Variants in SUGCT observed in about 807,000 individuals in gnomAD.
SUGCT encodes the protein succinyl-CoA:glutarate CoA-transferase.
Under a neutral mutation model 55.0 loss-of-function variants are expected in SUGCT, and 41 were observed. That is an observed-to-expected ratio of 0.74 (90% CI 0.58 to 0.97). SUGCT has a LOEUF of 0.97. Among genes scored for constraint, SUGCT ranks in the 50% least tolerant of loss-of-function variants. The pLI, the probability that SUGCT is intolerant of heterozygous loss-of-function variation, is 0.00. For synonymous variants in SUGCT, 187 were observed against 200.4 expected, an observed-to-expected ratio of 0.93 and a Z score of 0.56; for missense variants, 568 against 547.8, an observed-to-expected ratio of 1.04 and a Z score of -0.37.
the SUGCT span, among the ~76,000 whole-genome samples, chr7:41,028,768 A>G: frequency 4.3e-3 from 654 of 152,310 alleles, 2 homozygotes; most frequent in Middle Eastern, 0.017. Flanking sequence ...TAAATGATTC[A>G]GCTCTCTGGC....
At chr7:40,381,809 G>C (rs1312441555) in intron 9 of SUGCT, among the ~76,000 whole-genome samples, 1 of 151,998 alleles carries the variant, frequency 6.6e-6, no homozygotes, top group Admixed American at 6.6e-5. Flanking sequence ...ATGCCATTTG[G>C]AAAAGTGTTA....
chr7:40,763,101 G>T (rs1788615128), intron 13 of SUGCT, among the ~76,000 whole-genome samples: 1 of 152,046 alleles, frequency 6.6e-6, no homozygotes, highest in South Asian at 2.1e-4. Flanking sequence ...ACAGGCATGA[G>T]CCACCCCTCC....
At chr7:40,490,907 G>C (rs1791642917) in intron 11 of SUGCT, among the ~76,000 whole-genome samples, 1 of 152,146 alleles carries the variant, frequency 6.6e-6, no homozygotes, top group African/African-American at 2.4e-5. Flanking sequence ...AAATTAAGAG[G>C]AGATGCTGTG....
chr7:40,322,185 G>T (rs538777655), intron 9 of SUGCT, among the ~76,000 whole-genome samples: 3 of 152,198 alleles, frequency 2.0e-5, no homozygotes, highest in African/African-American at 7.2e-5. Flanking sequence ...TCCTTTGATT[G>T]TTACCAGGGA....
intron 12 of SUGCT, among the ~76,000 whole-genome samples, chr7:40,680,098 A>C (rs1412188261): frequency 6.6e-6 from 1 of 152,180 alleles, no homozygotes; most frequent in African/African-American, 2.4e-5. Context: ...TCTTCACAGA[A>C]GGTTTATTTT....
At chr7:40,309,933 A>G (rs1328531958) in intron 8 of SUGCT, among the ~76,000 whole-genome samples, 1 of 151,750 alleles carries the variant, frequency 6.6e-6, no homozygotes, top group Non-Finnish European at 1.5e-5. Context: ...ATTTAAATAA[A>G]TGATTGAATA....
chr7:40,690,140 G>A (rs1378289677), intron 12 of SUGCT, among the ~76,000 whole-genome samples: 1 of 152,126 alleles, frequency 6.6e-6, no homozygotes, highest in Non-Finnish European at 1.5e-5. Flanking sequence ...TTATTGTTGA[G>A]TCCAAAAAGG....
intron 9 of SUGCT, among the ~76,000 whole-genome samples, chr7:40,419,132 C>T (rs964337551): frequency 5.3e-5 from 8 of 152,014 alleles, no homozygotes; most frequent in African/African-American, 9.7e-5. Context: ...ATTTATGGGG[C>T]GGTGAATTCC....
chr7:40,609,350 A>G (rs1274853265), intron 12 of SUGCT, among the ~76,000 whole-genome samples: 2 of 151,920 alleles, frequency 1.3e-5, no homozygotes, highest in Non-Finnish European at 2.9e-5. Flanking sequence ...GCGGATCACG[A>G]GGTCAGGAGA....
intron 12 of SUGCT, among the ~76,000 whole-genome samples, chr7:40,645,071 T>A (rs754428041): frequency 1.3e-5 from 2 of 152,228 alleles, no homozygotes; most frequent in African/African-American, 2.4e-5. Context: ...GAGCAGGTGC[T>A]GCTGTTCTGT....
chr7:40,605,889 G>C (rs1798508044), intron 12 of SUGCT, among the ~76,000 whole-genome samples: 1 of 152,220 alleles, frequency 6.6e-6, no homozygotes, highest in African/African-American at 2.4e-5. Context: ...AGGGCCTTTT[G>C]AGAGGCTGGA....
the SUGCT span, among the ~76,000 whole-genome samples, chr7:40,947,928 T>G: frequency 2.0e-5 from 3 of 152,202 alleles, no homozygotes; most frequent in African/African-American, 7.2e-5. Context: ...AGTGAGATTA[T>G]AAGAATAGCA....
chr7:40,449,230 C>G (rs1583705310), intron 9 of SUGCT, 57 bp from the exon 10 acceptor site: 1 of 1,185,016 alleles, frequency 8.4e-7, no homozygotes, highest in African/African-American at 1.5e-5. Context: ...AGAAATTAAA[C>G]TTTTGTGGTC....
At chr7:40,472,819 T>C (rs1487474843) in intron 11 of SUGCT, among the ~76,000 whole-genome samples, 1 of 152,136 alleles carries the variant, frequency 6.6e-6, no homozygotes, top group Non-Finnish European at 1.5e-5. Context: ...TGGAAATGCC[T>C]TCTGTTATTA....
chr7:40,723,805 C>T (rs1434966744), intron 12 of SUGCT, among the ~76,000 whole-genome samples: 1 of 152,212 alleles, frequency 6.6e-6, no homozygotes, highest in East Asian at 1.9e-4. Context: ...CCCTTAACCA[C>T]TATACATCAT....
chr7:40,846,388 ACAGT>A (rs1490113103), intron 13 of SUGCT, among the ~76,000 whole-genome samples: 7 of 149,440 alleles, frequency 4.7e-5, no homozygotes, highest in East Asian at 2.1e-4. Flanking sequence ...AAAAAAAAAA[ACAGT>A]CAGGAGAGAG....
At chr7:40,979,839 G>A in the SUGCT span, 5 of 152,284 alleles carry the variant, frequency 3.3e-5, no homozygotes, top group African/African-American at 1.2e-4. Context: ...GTCTTTGCGG[G>A]GAAAAGGGAC....
chr7:40,857,198 T>C (rs753711413), intron 13 of SUGCT, among the ~76,000 whole-genome samples: 1 of 152,226 alleles, frequency 6.6e-6, no homozygotes, highest in Non-Finnish European at 1.5e-5. Context: ...GTCATTTTCT[T>C]TGGACCTTCG....
intron 13 of SUGCT, among the ~76,000 whole-genome samples, chr7:40,779,803 C>T (rs1218405525): frequency 3.3e-5 from 5 of 152,124 alleles, no homozygotes; most frequent in Admixed American, 1.3e-4. Flanking sequence ...CTATGTCTCC[C>T]TTTAGAAAAA....
Sources: gnomAD v4.1 joint callset for allele counts (sites outside exome capture counted in the v4.1 genomes callset) on GRCh38, gnomAD v4.1.1 for gene constraint, MANE v1.5 for transcripts, NCBI Gene and HGNC (gene_info 2026-07-23, HGNC 2026-07-21) for gene names.